The following MACROD2 variants were observed in gnomAD, a reference collection of about 807,000 sequenced individuals.
The protein encoded by MACROD2 is mono-ADP ribosylhydrolase 2.
MACROD2 carries 36 observed loss-of-function variants against 70.4 expected under a neutral mutation model. The ratio of observed to expected loss-of-function variants is 0.51; its 90% CI spans 0.39 to 0.68. The LOEUF is 0.68. Among genes scored for constraint, MACROD2 ranks in the 30% least tolerant of loss-of-function variants. The probability of loss-of-function intolerance (pLI) is 0.00; values close to 1 mark genes in which losing one functional copy is unlikely to be tolerated. For missense variants in MACROD2, 496 were observed against 538.4 expected, an observed-to-expected ratio of 0.92 and a Z score of 0.78; for synonymous variants, 172 against 178.8, an observed-to-expected ratio of 0.96 and a Z score of 0.30.
At chr20:15,546,779 G>C (rs1286251720) in intron 8 of MACROD2, among the ~76,000 whole-genome samples, 1 of 152,094 alleles carries the variant, frequency 6.6e-6, no homozygotes, top group Admixed American at 6.5e-5. Flanking sequence ...GCAATTAAAA[G>C]GTAATGTCAC....
At chr20:14,762,063 C>T (rs370898122) in intron 5 of MACROD2, among the ~76,000 whole-genome samples, 7 of 152,184 alleles carry the variant, frequency 4.6e-5, no homozygotes, top group African/African-American at 9.6e-5. Flanking sequence ...CCACCCTCTC[C>T]GCTCAGGGCC....
intron 6 of MACROD2, among the ~76,000 whole-genome samples, chr20:15,272,795 A>G (rs148841336): frequency 6.6e-6 from 1 of 152,310 alleles, no homozygotes; most frequent in Non-Finnish European, 1.5e-5. Context: ...GGAGTAAAAC[A>G]ATTTTATAAT....
intron 3 of MACROD2, among the ~76,000 whole-genome samples, chr20:14,303,698 C>T (rs1401429962): frequency 6.6e-6 from 1 of 152,162 alleles, no homozygotes; most frequent in East Asian, 1.9e-4. Flanking sequence ...TCTTCCAGTT[C>T]TGCATAGTTC....
chr20:15,273,405 T>A (rs8120608), intron 6 of MACROD2, among the ~76,000 whole-genome samples: 1 of 142,942 alleles, frequency 7.0e-6, no homozygotes, highest in African/African-American at 2.8e-5. Flanking sequence ...TAATACTTAC[T>A]AAACTCCCCT....
intron 3 of MACROD2, among the ~76,000 whole-genome samples, chr20:14,100,039 T>C (rs2054277711): frequency 6.6e-6 from 1 of 151,996 alleles, no homozygotes; most frequent in Non-Finnish European, 1.5e-5. Flanking sequence ...TCCTATTGAG[T>C]TCATGAAAAT....
intron 10 of MACROD2, among the ~76,000 whole-genome samples, chr20:15,904,228 A>G (rs1223332514): frequency 6.6e-6 from 1 of 152,038 alleles, no homozygotes; most frequent in Admixed American, 6.6e-5. Flanking sequence ...TATGTTGCTG[A>G]GGCTGGTCTC....
intron 4 of MACROD2, among the ~76,000 whole-genome samples, chr20:14,569,029 A>G (rs959834637): frequency 2.0e-5 from 3 of 152,032 alleles, no homozygotes; most frequent in African/African-American, 7.2e-5. Flanking sequence ...TTCTGGCAGT[A>G]CGTAAATCTG....
At position 15,132,182 on chromosome 20, in the gene MACROD2, T is replaced by A. The variant is rs114236513; in HGVS notation, c.419-97758T>A. 8.5e-3 allele frequency among the ~76,000 whole-genome samples: 1,291 copies of A among 152,162 alleles called. 18 individuals carry two copies. The highest frequency in any genetic ancestry group is 0.03 in the African/African-American group (1,235 of 41,576). ...CACAATGTGACTATAATTGTATAAATCTTTATGGTCTAAATAACATATCTA... is the reference window on the plus strand; with the variant it reads ...CACAATGTGACTATAATTGTATAAAACTTTATGGTCTAAATAACATATCTA... On this transcript the variant is annotated intron_variant, in intron 5 of 17. Coordinates refer to ENST00000684519, the MANE Select transcript of MACROD2 (RefSeq NM_001351661.2).
intron 3 of MACROD2, among the ~76,000 whole-genome samples, chr20:14,289,425 C>G (rs1158491777): frequency 6.6e-6 from 1 of 152,216 alleles, no homozygotes; most frequent in East Asian, 1.9e-4. Flanking sequence ...TGCTTGCTTT[C>G]TCAGGAAGTC....
chr20:14,543,550 G>GT (rs1600365670), intron 4 of MACROD2, among the ~76,000 whole-genome samples: 1 of 152,018 alleles, frequency 6.6e-6, no homozygotes. Flanking sequence ...GAAAAGTTCT[G>GT]TTTTTCTCTC....
At chr20:14,284,564 T>G (rs2122419146) in intron 3 of MACROD2, among the ~76,000 whole-genome samples, 1 of 152,352 alleles carries the variant, frequency 6.6e-6, no homozygotes, top group South Asian at 2.1e-4. Flanking sequence ...TTTGTATTGG[T>G]AACTAAACTC....
At position 14,494,435 on chromosome 20, in the gene MACROD2, G is replaced by A. The variant is rs148604171; in HGVS notation, c.301+927G>A. ...AAGAACAGTTGATTTTTAAAAAACA[G>A]AATCTTGAAAATAAGAAAAATAGAA... On this transcript the variant is annotated intron_variant, in intron 4 of 17. Coordinates refer to ENST00000684519, the MANE Select transcript of MACROD2 (RefSeq NM_001351661.2). 1.9e-4 allele frequency among the ~76,000 whole-genome samples: 29 copies of A among 152,158 alleles called. No homozygotes were observed. In the East Asian group the frequency reaches 5.6e-3, roughly 29 times the overall value.
At chr20:14,957,138 T>G (rs1600872075) in intron 5 of MACROD2, among the ~76,000 whole-genome samples, 2 of 113,342 alleles carry the variant, frequency 1.8e-5, no homozygotes, top group East Asian at 4.3e-4. Context: ...GAGCACACAA[T>G]TTTTTTTTAA....
At chr20:14,147,486 A>G (rs2054957003) in intron 3 of MACROD2, among the ~76,000 whole-genome samples, 1 of 152,194 alleles carries the variant, frequency 6.6e-6, no homozygotes, top group African/African-American at 2.4e-5. Context: ...CATTATTTAA[A>G]TTATACTCTA....
intron 5 of MACROD2, among the ~76,000 whole-genome samples, chr20:15,097,751 T>A (rs2075844468): frequency 6.6e-6 from 1 of 152,206 alleles, no homozygotes; most frequent in African/African-American, 2.4e-5. Context: ...AATGGTCAGC[T>A]GCCATGGAAA....
chr20:15,898,705 C>T (rs2147237608), intron 10 of MACROD2, among the ~76,000 whole-genome samples: 1 of 152,082 alleles, frequency 6.6e-6, no homozygotes, highest in East Asian at 1.9e-4. Flanking sequence ...GTCTAGGTTA[C>T]CTGGGGTTGG....
At chr20:14,850,315 A>ATGCAAATG (rs2122310428) in intron 5 of MACROD2, 1 of 161,278 alleles carries the variant, frequency 6.2e-6, no homozygotes, top group African/African-American at 2.4e-5. Context: ...TCATAAAGAT[A>ATGCAAATG]TGCAAATGGA....
At chr20:15,325,603 C>T (rs1009715655) in intron 6 of MACROD2, among the ~76,000 whole-genome samples, 2 of 152,150 alleles carry the variant, frequency 1.3e-5, no homozygotes, top group African/African-American at 4.8e-5. Context: ...CTGTGGACAG[C>T]AGTGCCCCAG....
intron 5 of MACROD2, among the ~76,000 whole-genome samples, chr20:14,849,425 C>A (rs1392371427): frequency 6.6e-6 from 1 of 152,082 alleles, no homozygotes; most frequent in Non-Finnish European, 1.5e-5. Flanking sequence ...TGTGCTGGGG[C>A]TGTCTTGCAG....
Sources: gnomAD v4.1 joint callset for allele counts (sites outside exome capture counted in the v4.1 genomes callset) on GRCh38, gnomAD v4.1.1 for gene constraint, MANE v1.5 for transcripts, NCBI Gene and HGNC (gene_info 2026-07-23, HGNC 2026-07-21) for gene names.